The following PTPN6 variants were observed in gnomAD, a reference collection of about 807,000 sequenced individuals.
PTPN6 encodes the protein tyrosine-protein phosphatase non-receptor type 6.
A neutral mutation model predicts 81.5 loss-of-function variants in PTPN6; 18 were observed. The ratio of observed to expected loss-of-function variants is 0.22; its 90% CI spans 0.15 to 0.33. The LOEUF is 0.33. Among genes scored for constraint, PTPN6 ranks in the 10% least tolerant of loss-of-function variants. PTPN6 has a pLI of 1.00. For missense variants in PTPN6, 500 were observed against 794.2 expected (o/e 0.63, Z 4.45); for synonymous variants, 301 against 310.9 (o/e 0.97, Z 0.33).
chr12:6,958,810 G>A (rs1201999627), intron 11 of PTPN6, among the ~76,000 whole-genome samples: 1 of 152,186 alleles, frequency 6.6e-6, no homozygotes, highest in African/African-American at 2.4e-5. Context: ...CCAGCTGTGT[G>A]GTCTTGGACA....
chr12:6,946,641 C>T, upstream of PTPN6: 2 of 1,175,034 alleles, frequency 1.7e-6, no homozygotes, highest in Admixed American at 1.8e-5. Context: ...CCTCACCTGG[C>T]TTGGGCCACT....
chr12:6,956,352 G>A lies in PTPN6; in HGVS notation c.925-67G>A. On this transcript the variant is annotated intron_variant, in intron 8 of 15. Transcript: ENST00000318974. The surrounding 1 kb of genome is among the most constrained non-coding windows in gnomAD (Gnocchi z 4.1). Reference sequence around the variant, plus strand: ...TCTTGCATGGGTGAGGGTGGCAGTGGTTCAGGGCCTGTGCTGGGCCAAGGG... The same window carrying A: ...TCTTGCATGGGTGAGGGTGGCAGTGATTCAGGGCCTGTGCTGGGCCAAGGG... 1.9e-6 allele frequency: 3 copies of A among 1,613,362 alleles called. No individual in the cohort carries two copies. Among genetic ancestry groups the A allele is most frequent in the East Asian group, 4.5e-5 (2 of 44,894 alleles).
Position 6,959,668 on chromosome 12 carries a change from CG to C in PTPN6, c.1362-257del, listed in dbSNP as rs1946093450. On this transcript the variant is annotated intron_variant, in intron 11 of 15. Coordinates refer to ENST00000318974, the MANE Select transcript of PTPN6 (RefSeq NM_002831.6). This position sits in a 1 kb window ranked among gnomAD's most constrained non-coding sequence, Gnocchi z 6.6. The stretch of plus-strand genomic sequence containing the variant: ...CAGCCACTCACTAGGAGTGAGGAGT[CG>C]GCGCGAGGAGTGGAGGAGGGAAGGA... 3 of 585,172 alleles carry C rather than the reference CG, an allele frequency of 5.1e-6. No homozygotes were observed. In the South Asian group the frequency reaches 5.9e-5, roughly 12 times the overall value. 36.2% of individuals were successfully genotyped at this position (585,172 alleles called of 1,614,324 possible).
At position 6,955,552 on chromosome 12, in the gene PTPN6, G is replaced by T. The variant is rs1946013539; in HGVS notation, c.747+67G>T. The T allele has an allele frequency of 1.3e-6, 2 of 1,572,078 alleles. No homozygotes were observed. Among genetic ancestry groups the T allele is most frequent in the Admixed American group, 3.3e-5 (2 of 59,818 alleles). ...TGGCAGCGGCCTGGGGCCCCAGGCG[G>T]ACACCTTCCCCTCCTTGCCCACCTC... On this transcript the variant is annotated intron_variant, in intron 6 of 15. Transcript: ENST00000318974. The surrounding 1 kb of genome is among the most constrained non-coding windows in gnomAD (Gnocchi z 7.2).
At chr12:6,951,087 C>A (rs1468483185), upstream of PTPN6, among the ~76,000 whole-genome samples, 1 of 152,178 alleles carries the variant, frequency 6.6e-6, no homozygotes, top group Non-Finnish European at 1.5e-5. The surrounding 1 kb of genome is among the most constrained non-coding windows in gnomAD (Gnocchi z 7.2). Context: ...GTGGGACCGT[C>A]TGGGTTCGCA....
At chr12:6,950,571 C>G (rs1239722068), upstream of PTPN6, among the ~76,000 whole-genome samples, 2 of 152,178 alleles carry the variant, frequency 1.3e-5, no homozygotes, top group African/African-American at 4.8e-5. Flanking sequence ...CAGGGCTGCT[C>G]AGGGTCATGT....
upstream of PTPN6, among the ~76,000 whole-genome samples, chr12:6,946,929 C>CT (rs1945831753): frequency 1.3e-5 from 2 of 152,192 alleles, no homozygotes; most frequent in Non-Finnish European, 2.9e-5. Flanking sequence ...TGCTCCTCTG[C>CT]CCCCTCTTTA....
Position 6,956,479 on chromosome 12 carries a change from G to C in PTPN6, c.985G>C (p.Glu329Gln). 6.2e-7 allele frequency: 1 copy of C among 1,614,098 alleles called. No homozygotes were observed. The highest frequency in any genetic ancestry group is 8.5e-7 in the Non-Finnish European group (1 of 1,180,034). Residue 329 changes from glutamate to glutamine, a missense_variant, in exon 9 of 16, where the codon GAG (glutamate) becomes CAG (glutamine). Coordinates refer to ENST00000318974, the MANE Select transcript of PTPN6 (RefSeq NM_002831.6). The surrounding 1 kb of genome is among the most constrained non-coding windows in gnomAD (Gnocchi z 4.1). ...CTACATCGCCAGCCAGGGTTGTCTG[G>C]AGGCCACGGTCAATGACTTCTGGCA... ...KTYIASQGCL[E>Q]ATVNDFWQMA...
upstream of PTPN6, chr12:6,951,152 G>T: frequency 9.1e-7 from 1 of 1,101,990 alleles, no homozygotes; most frequent in Non-Finnish European, 1.2e-6. This position sits in a 1 kb window ranked among gnomAD's most constrained non-coding sequence, Gnocchi z 7.2. Flanking sequence ...TGTCCTTACT[G>T]CATGTGTTGT....
chr12:6,960,522 C>T lies in PTPN6; in HGVS notation c.1673+87C>T. 1 of 1,476,556 alleles carries T rather than the reference C, an allele frequency of 6.8e-7. No individual in the cohort carries two copies. The highest frequency in any genetic ancestry group is 1.9e-5 in the Admixed American group (1 of 52,874). 91.5% of individuals were successfully genotyped at this position (1,476,556 alleles called of 1,614,324 possible). A position where few individuals can be genotyped will look rare whatever the true frequency, so the allele number is the denominator to read the frequency against. ...CACTTTCTGGAGAGGACAAGTGTTG[C>T]AGCTGGGGGGACCTGGCTTCAAGTT... On this transcript the variant is annotated intron_variant, in intron 14 of 15. Coordinates refer to ENST00000318974, the MANE Select transcript of PTPN6 (RefSeq NM_002831.6). This position sits in a 1 kb window ranked among gnomAD's most constrained non-coding sequence, Gnocchi z 6.1.
Position 6,960,505 on chromosome 12 carries a change from G to A in PTPN6, c.1673+70G>A. 1 of 1,525,892 alleles carries A rather than the reference G, an allele frequency of 6.6e-7. No individual in the cohort carries two copies. The highest frequency in any genetic ancestry group is 9.0e-7 in the Non-Finnish European group (1 of 1,111,536). 94.5% of individuals were successfully genotyped at this position (1,525,892 alleles called of 1,614,324 possible). ...CTGCCCAGCCCGATCCTCACTTTCTGGAGAGGACAAGTGTTGCAGCTGGGG... is the reference window on the plus strand; with the variant it reads ...CTGCCCAGCCCGATCCTCACTTTCTAGAGAGGACAAGTGTTGCAGCTGGGG... On this transcript the variant is annotated intron_variant, in intron 14 of 15. Coordinates refer to ENST00000318974, the MANE Select transcript of PTPN6 (RefSeq NM_002831.6). This position sits in a 1 kb window ranked among gnomAD's most constrained non-coding sequence, Gnocchi z 6.1.
At position 6,955,543 on chromosome 12, in the gene PTPN6, C is replaced by A. The variant is rs1555148504; in HGVS notation, c.747+58C>A. 6.3e-7 allele frequency: 1 copy of A among 1,583,378 alleles called. No individual in the cohort carries two copies. Among genetic ancestry groups the A allele is most frequent in the Non-Finnish European group, 8.7e-7 (1 of 1,153,352 alleles). ...CTGAGGTGGTGGCAGCGGCCTGGGG[C>A]CCCAGGCGGACACCTTCCCCTCCTT... is the stretch of plus-strand genomic sequence containing the variant. On this transcript the variant is annotated intron_variant, in intron 6 of 15. Coordinates refer to ENST00000318974, the MANE Select transcript of PTPN6 (RefSeq NM_002831.6). The surrounding 1 kb of genome is among the most constrained non-coding windows in gnomAD (Gnocchi z 7.2).
At position 6,956,576 on chromosome 12, in the gene PTPN6, GC is replaced by G. The variant is rs201680985; in HGVS notation, c.1074+15del. On this transcript the variant is annotated intron_variant, in intron 9 of 15. Coordinates refer to ENST00000318974, the MANE Select transcript of PTPN6 (RefSeq NM_002831.6). The surrounding 1 kb of genome is among the most constrained non-coding windows in gnomAD (Gnocchi z 4.1). ...GAGGTGGAGAAAGGCCGGGTAGGGC[GC>G]CCCCCCTTCCCCGCATCCGCCCCCG... The G allele has an allele frequency of 5.0e-6, 8 of 1,613,076 alleles. No individual in the cohort carries two copies. The highest frequency in any genetic ancestry group is 4.5e-5 in the East Asian group (2 of 44,876).
upstream of PTPN6, among the ~76,000 whole-genome samples, chr12:6,946,949 C>G (rs1322476092): frequency 6.6e-6 from 1 of 152,184 alleles, no homozygotes; most frequent in Non-Finnish European, 1.5e-5. Flanking sequence ...AACATTTTCC[C>G]CTGGACAAGT....
At position 6,960,762 on chromosome 12, in the gene PTPN6, C is replaced by G. The variant is rs781903618; in HGVS notation, c.1674-44C>G. 7 of 1,551,828 alleles carry G rather than the reference C, an allele frequency of 4.5e-6. No individual in the cohort carries two copies. Reference sequence around the variant, plus strand: ...CGGGTCCCCCTGTGCTGTCTCCTGACCTGCACCAACTGCCTGTACTTGCCC... The same window carrying G: ...CGGGTCCCCCTGTGCTGTCTCCTGAGCTGCACCAACTGCCTGTACTTGCCC... On this transcript the variant is annotated intron_variant, in intron 14 of 15. Coordinates refer to ENST00000318974, the MANE Select transcript of PTPN6 (RefSeq NM_002831.6). The surrounding 1 kb of genome is among the most constrained non-coding windows in gnomAD (Gnocchi z 6.1).
In PTPN6 at chr12:6,952,211, G is replaced by A. The variant is rs1555147898; in HGVS notation, c.326+34G>A. The A allele has an allele frequency of 6.2e-7, 1 of 1,611,326 alleles. No individual in the cohort carries two copies. The highest frequency in any genetic ancestry group is 1.7e-5 in the Admixed American group (1 of 59,998). On this transcript the variant is annotated intron_variant, in intron 3 of 15. Transcript: ENST00000318974. The surrounding 1 kb of genome is among the most constrained non-coding windows in gnomAD (Gnocchi z 8.1). ...TCCGCACCCCCGCCATTCCCAAGCA[G>A]GGATGAGCCGGCTCCCACCCTGAAC...
rs1555147889 is a variant in PTPN6 at position 6,952,184 on chromosome 12, G to C, written c.326+7G>C. ...CCGATCCCACTAGTGAGAGGTGAGG[G>C]CTCCGCACCCCCGCCATTCCCAAGC... On this transcript the variant is annotated splice_region_variant and intron_variant, in intron 3 of 15. Coordinates refer to ENST00000318974, the MANE Select transcript of PTPN6 (RefSeq NM_002831.6). The surrounding 1 kb of genome is among the most constrained non-coding windows in gnomAD (Gnocchi z 8.1). 7 of 1,612,658 alleles carry C rather than the reference G, an allele frequency of 4.3e-6. 1 individual carries two copies. The South Asian group carries it at 7.7e-5, about 18-fold the overall frequency.
In PTPN6 at chr12:6,956,707, C is replaced by G. The variant is rs782340135; in HGVS notation, c.1074+139C>G. The G allele has an allele frequency of 1.2e-5, 14 of 1,171,892 alleles. No individual in the cohort carries two copies. The Admixed American group carries it at 2.4e-4, about 20-fold the overall frequency. 72.6% of individuals were successfully genotyped at this position (1,171,892 alleles called of 1,614,324 possible). The stretch of plus-strand genomic sequence containing the variant: ...TTGTTGGGAAACTGAGGGCTAGTGA[C>G]AAAGTCTCGACTACACAACGTGACC... On this transcript the variant is annotated intron_variant, in intron 9 of 15. Transcript: ENST00000318974. This position sits in a 1 kb window ranked among gnomAD's most constrained non-coding sequence, Gnocchi z 4.1.
rs150746881 is a variant in PTPN6 at position 6,954,232 on chromosome 12, C to T, written c.327-573C>T. Among the ~76,000 whole-genome samples the T allele has an allele frequency of 7.6e-4, 116 of 152,336 alleles. No homozygotes were observed. The highest frequency in any genetic ancestry group is 2.5e-3 in the African/African-American group (103 of 41,582). ...CCTCCCTGGCGGAGCGCACCCCATC[C>T]GCCTTCCTTGTGACTTGAGTCTGTG... On this transcript the variant is annotated intron_variant, in intron 3 of 15. Coordinates refer to ENST00000318974, the MANE Select transcript of PTPN6 (RefSeq NM_002831.6). This position sits in a 1 kb window ranked among gnomAD's most constrained non-coding sequence, Gnocchi z 5.4.
Sources: gnomAD v4.1 joint callset for allele counts (sites outside exome capture counted in the v4.1 genomes callset) on GRCh38, gnomAD v4.1.1 for gene constraint, Gnocchi (gnomAD v3.1) non-coding constraint, MANE v1.5 for transcripts, NCBI Gene and HGNC (gene_info 2026-07-23, HGNC 2026-07-21) for gene names.